The following VPS8 variants were observed in gnomAD, a reference collection of about 807,000 sequenced individuals.
VPS8 encodes the protein VPS8 subunit of CORVET complex.
In VPS8, 129 loss-of-function variants were observed where a neutral mutation model predicts 216.4. The observed-to-expected ratio is 0.60, with a 90% CI of 0.52 to 0.69. The LOEUF (loss-of-function observed/expected upper bound fraction) is 0.69, where lower values mean the gene tolerates loss of function less well. VPS8 is among the 30% of genes least tolerant of loss of function. VPS8 has a pLI of 0.00. For synonymous variants in VPS8, 571 were observed against 565.4 expected, an observed-to-expected ratio of 1.01 and a Z score of -0.14; for missense variants, 1,531 against 1,683.5, an observed-to-expected ratio of 0.91 and a Z score of 1.59.
chr3:185,049,938 T>C (rs1713816954), intron 47 of VPS8, among the ~76,000 whole-genome samples: 1 of 152,088 alleles, frequency 6.6e-6, no homozygotes, highest in Admixed American at 6.5e-5. Flanking sequence ...AGCAGCTTTA[T>C]TGAACTGGCC....
chr3:184,815,596 C>T (rs763873242), intron 1 of VPS8, among the ~76,000 whole-genome samples: 5 of 152,086 alleles, frequency 3.3e-5, no homozygotes, highest in South Asian at 2.1e-4. Flanking sequence ...TCCAGAAGTA[C>T]CTTGATTGGC....
At chr3:184,990,121 T>C (rs559601176) in intron 42 of VPS8, among the ~76,000 whole-genome samples, 118 of 152,238 alleles carry the variant, frequency 7.8e-4, no homozygotes, top group African/African-American at 2.7e-3. Flanking sequence ...TTTTCTGGAA[T>C]AGATTGTAGA....
At chr3:184,934,788 A>C (rs1400241037) in intron 34 of VPS8, among the ~76,000 whole-genome samples, 2 of 152,170 alleles carry the variant, frequency 1.3e-5, no homozygotes, top group Non-Finnish European at 2.9e-5. Context: ...GTTTATATCA[A>C]TATTTGTGAT....
At chr3:184,883,257 A>G (rs1435270317) in intron 21 of VPS8, among the ~76,000 whole-genome samples, 2 of 152,050 alleles carry the variant, frequency 1.3e-5, no homozygotes, top group South Asian at 2.1e-4. Context: ...ATCTCACTCT[A>G]TTGTCCTTGG....
At chr3:184,830,536 T>A (rs1719767733) in intron 3 of VPS8, among the ~76,000 whole-genome samples, 1 of 152,154 alleles carries the variant, frequency 6.6e-6, no homozygotes, top group African/African-American at 2.4e-5. Flanking sequence ...AGTTTGGGGA[T>A]AATTGATACT....
At chr3:184,897,386 CAG>C (rs1464727985) in intron 23 of VPS8, among the ~76,000 whole-genome samples, 5 of 152,154 alleles carry the variant, frequency 3.3e-5, no homozygotes, top group South Asian at 2.1e-4. Flanking sequence ...GTTTGAGAAA[CAG>C]GGTGAATAGT....
chr3:184,840,181 T>A (rs943516542), intron 7 of VPS8: 30 of 155,422 alleles, frequency 1.9e-4, no homozygotes, highest in Middle Eastern at 3.3e-3. Flanking sequence ...TAAGCTTTTT[T>A]AAAAAATTTC....
intron 16 of VPS8, among the ~76,000 whole-genome samples, chr3:184,864,287 C>G (rs917953324): frequency 6.6e-6 from 1 of 152,166 alleles, no homozygotes; most frequent in African/African-American, 2.4e-5. Flanking sequence ...AGCTTCCAGC[C>G]TTGAGAGAGC....
At chr3:184,975,629 G>A (rs1698167733) in intron 40 of VPS8, among the ~76,000 whole-genome samples, 1 of 151,976 alleles carries the variant, frequency 6.6e-6, no homozygotes, top group African/African-American at 2.4e-5. Flanking sequence ...TCTTCTTCAA[G>A]TTCATAGAAA....
rs142162937 is a variant in VPS8, at chr3:184,938,505, A to G, written c.2989-1692A>G. Among the ~76,000 whole-genome samples, 221 of 152,286 alleles carry G rather than the reference A, an allele frequency of 1.5e-3. 2 individuals carry two copies. In the Middle Eastern group the frequency reaches 0.034, roughly 23 times the overall value. ...GGAGGGTAGGAGGAGGTTTCTACCA[A>G]AACTACTCTCAACCTCCAGAGCTTC... On this transcript the variant is annotated intron_variant, in intron 35 of 47. Coordinates refer to ENST00000625842, the MANE Select transcript of VPS8 (RefSeq NM_001009921.3).
At chr3:184,911,149 A>G (rs1273992215) in intron 25 of VPS8, among the ~76,000 whole-genome samples, 1 of 152,192 alleles carries the variant, frequency 6.6e-6, no homozygotes, top group Non-Finnish European at 1.5e-5. Context: ...TGGGAAGAGA[A>G]AGGTTGTAGA....
Position 184,824,620 on chromosome 3 carries a change from A to C in VPS8, c.-13A>C. The C allele has an allele frequency of 6.2e-7, 1 of 1,612,914 alleles. No homozygotes were observed. The highest frequency in any genetic ancestry group is 8.5e-7 in the Non-Finnish European group (1 of 1,179,492). On this transcript the variant is annotated 5_prime_UTR_variant, in exon 2 of 48. Coordinates refer to ENST00000625842, the MANE Select transcript of VPS8 (RefSeq NM_001009921.3). ...TTGCTTTGATGGACTGAATACTGTT[A>C]TTAGAAGTAAATATGGAAAATGAAC... is the stretch of plus-strand genomic sequence containing the variant.
At chr3:184,938,004 T>C (rs1007208670) in intron 35 of VPS8, among the ~76,000 whole-genome samples, 1 of 152,114 alleles carries the variant, frequency 6.6e-6, no homozygotes, top group Non-Finnish European at 1.5e-5. Context: ...TTAGATCCAT[T>C]TTACAGAAAA....
chr3:184,925,195 A>G (rs1245834484), intron 30 of VPS8, among the ~76,000 whole-genome samples: 2 of 152,114 alleles, frequency 1.3e-5, no homozygotes, highest in Non-Finnish European at 2.9e-5. Context: ...TGTTCTCTCA[A>G]TTATTCTGTT....
chr3:184,855,716 T>C lies in VPS8; in HGVS notation c.1041T>C (p.Asp347=). Residue 347 remains aspartate (D), a synonymous_variant, in exon 14 of 48, where the codon GAT becomes GAC. Coordinates refer to ENST00000625842, the MANE Select transcript of VPS8 (RefSeq NM_001009921.3). ...TTTTCCATCTCCCTACTTAGATGGATCCTTCCAGTGTGCCACTGCTGGCCT... is the reference window on the plus strand; with the variant it reads ...TTTTCCATCTCCCTACTTAGATGGACCCTTCCAGTGTGCCACTGCTGGCCT... ...VWMTFPYGRM[D]PSSVPLLAWH... is the part of the protein sequence containing the mutation. 2 of 1,611,630 alleles carry C rather than the reference T, an allele frequency of 1.2e-6. No homozygotes were observed. The highest frequency in any genetic ancestry group is 1.7e-6 in the Non-Finnish European group (2 of 1,178,970).
intron 21 of VPS8, among the ~76,000 whole-genome samples, chr3:184,874,685 T>A (rs1426987150): frequency 1.3e-5 from 2 of 152,214 alleles, no homozygotes; most frequent in Non-Finnish European, 2.9e-5. Context: ...AAAGTACTGG[T>A]ACTACTGGGC....
chr3:184,828,537 A>G (rs1577751940), intron 3 of VPS8, among the ~76,000 whole-genome samples: 1 of 152,134 alleles, frequency 6.6e-6, no homozygotes, highest in Middle Eastern at 3.4e-3. Context: ...ATCCTTTGAA[A>G]CTATGCTTCT....
intron 40 of VPS8, among the ~76,000 whole-genome samples, chr3:184,978,551 C>T (rs1749686556): frequency 1.3e-5 from 2 of 152,010 alleles, no homozygotes; most frequent in Admixed American, 1.3e-4. Flanking sequence ...TAGGCACACA[C>T]CACCACACCC....
intron 23 of VPS8, among the ~76,000 whole-genome samples, chr3:184,897,107 A>T (rs901509893): frequency 6.6e-6 from 1 of 152,222 alleles, no homozygotes; most frequent in African/African-American, 2.4e-5. Flanking sequence ...TCTAAATGCT[A>T]TGAAAAATCA....
Sources: allele counts gnomAD v4.1 joint callset (sites outside exome capture counted in the v4.1 genomes callset), GRCh38; gene constraint gnomAD v4.1.1; transcripts MANE v1.5; gene names NCBI Gene and HGNC (gene_info 2026-07-23, HGNC 2026-07-21).